Variants in NKAIN3 observed in about 807,000 individuals in gnomAD.
NKAIN3 encodes the protein sodium/potassium-transporting ATPase subunit beta-1-interacting protein 3.
Under a neutral mutation model 30.2 loss-of-function variants are expected in NKAIN3, and 25 were observed. The observed-to-expected ratio is 0.83, with a 90% CI of 0.60 to 1.16. NKAIN3 has a LOEUF of 1.16. NKAIN3 is among the 50% of genes most tolerant of loss of function. NKAIN3 has a pLI of 0.00. For missense variants in NKAIN3, 225 were observed against 254.1 expected, an observed-to-expected ratio of 0.89 and a Z score of 0.78; for synonymous variants, 91 against 89.6, an observed-to-expected ratio of 1.02 and a Z score of -0.09.
At chr8:62,864,129 G>A (rs1563600103) in intron 4 of NKAIN3, 1 of 619,468 alleles carries the variant, frequency 1.6e-6, no homozygotes, top group Non-Finnish European at 2.9e-6. Context: ...AGGTGATGGC[G>A]ACGCGAGCGC....
chr8:62,806,285 C>A (rs1384347620), intron 4 of NKAIN3, among the ~76,000 whole-genome samples: 2 of 152,106 alleles, frequency 1.3e-5, no homozygotes, highest in African/African-American at 4.8e-5. Flanking sequence ...ACCATTTGAC[C>A]CAGCCATCCC....
intron 1 of NKAIN3, among the ~76,000 whole-genome samples, chr8:62,284,608 C>T (rs768981229): frequency 6.6e-6 from 1 of 151,860 alleles, no homozygotes; most frequent in African/African-American, 2.4e-5. Context: ...TCAGCCTGGG[C>T]AACAACAGCA....
chr8:62,805,001 C>T (rs888221324), intron 4 of NKAIN3, among the ~76,000 whole-genome samples: 1 of 152,158 alleles, frequency 6.6e-6, no homozygotes, highest in South Asian at 2.1e-4. Flanking sequence ...TTCTTATACA[C>T]CAATAACAGA....
At chr8:62,678,170 G>A (rs1813538661) in intron 3 of NKAIN3, among the ~76,000 whole-genome samples, 1 of 152,186 alleles carries the variant, frequency 6.6e-6, no homozygotes, top group South Asian at 2.1e-4. Flanking sequence ...TAGGCAGATA[G>A]TGGAGTCATT....
At chr8:62,264,693 G>C (rs373229881) in intron 1 of NKAIN3, among the ~76,000 whole-genome samples, 1 of 152,194 alleles carries the variant, frequency 6.6e-6, no homozygotes, top group African/African-American at 2.4e-5. Flanking sequence ...TACTGAGAAA[G>C]ATACAAGCAC....
Position 62,524,039 on chromosome 8 carries a change from T to C in NKAIN3, c.55-55500T>C, listed in dbSNP as rs540376122. 1.8e-4 allele frequency among the ~76,000 whole-genome samples: 27 copies of C among 152,216 alleles called. No individual in the cohort carries two copies. In the Middle Eastern group the frequency reaches 0.014, roughly 77 times the overall value. ...CCTCAAGGATGATGATGATCTAGTC[T>C]TATATTAACAATAATTACTTTTATA... On this transcript the variant is annotated intron_variant, in intron 1 of 6. Coordinates refer to ENST00000623646, the MANE Select transcript of NKAIN3 (RefSeq NM_001304533.3).
At chr8:62,993,575 C>T (rs752616948) in intron 5 of NKAIN3, among the ~76,000 whole-genome samples, 2 of 152,158 alleles carry the variant, frequency 1.3e-5, no homozygotes, top group Non-Finnish European at 2.9e-5. Context: ...AAAAATCTCT[C>T]ACATGTCCTG....
At chr8:62,449,271 G>T (rs1383639111) in intron 1 of NKAIN3, among the ~76,000 whole-genome samples, 2 of 152,012 alleles carry the variant, frequency 1.3e-5, no homozygotes, top group Non-Finnish European at 2.9e-5. Flanking sequence ...TGAATGAAAA[G>T]AAGCCGGTTT....
At chr8:62,503,749 A>T (rs1261428189) in intron 1 of NKAIN3, among the ~76,000 whole-genome samples, 1 of 152,116 alleles carries the variant, frequency 6.6e-6, no homozygotes. Flanking sequence ...AAGAAGAAAA[A>T]TATGGCTTTT....
At chr8:62,961,850 A>G (rs1408959357) in intron 6 of NKAIN3, among the ~76,000 whole-genome samples, 1 of 152,204 alleles carries the variant, frequency 6.6e-6, no homozygotes, top group Non-Finnish European at 1.5e-5. Flanking sequence ...GATATGGTTA[A>G]CATTACTAGA....
At chr8:62,584,836 G>C (rs374132325) in intron 2 of NKAIN3, among the ~76,000 whole-genome samples, 19 of 152,244 alleles carry the variant, frequency 1.2e-4, no homozygotes, top group African/African-American at 4.6e-4. Context: ...CACCCTACCC[G>C]GCTGTCATCA....
rs572306106 is a variant in NKAIN3, at chr8:62,515,303, T to C, written c.55-64236T>C. On this transcript the variant is annotated intron_variant, in intron 1 of 6. Coordinates refer to ENST00000623646, the MANE Select transcript of NKAIN3 (RefSeq NM_001304533.3). The stretch of plus-strand genomic sequence containing the variant: ...AAATAAAAAGTATATATATTTATTG[T>C]GTGCAACATGATGTGATATATATGT... Among the ~76,000 whole-genome samples the C allele has an allele frequency of 4.6e-5, 7 of 152,300 alleles. No homozygotes were observed. The South Asian group carries it at 1.5e-3, about 32-fold the overall frequency.
intron 3 of NKAIN3, among the ~76,000 whole-genome samples, chr8:62,681,099 A>G (rs1813630875): frequency 6.6e-6 from 1 of 152,210 alleles, no homozygotes; most frequent in Admixed American, 6.5e-5. Context: ...ACCACACCTG[A>G]ATCGTCCCAC....
intron 4 of NKAIN3, among the ~76,000 whole-genome samples, chr8:62,842,104 G>A (rs1461715741): frequency 6.6e-6 from 1 of 152,046 alleles, no homozygotes; most frequent in African/African-American, 2.4e-5. Flanking sequence ...GAGTTCTTTT[G>A]AGAAGTGTTT....
intron 1 of NKAIN3, among the ~76,000 whole-genome samples, chr8:62,354,854 C>T (rs987867155): frequency 2.0e-5 from 3 of 152,190 alleles, no homozygotes; most frequent in Non-Finnish European, 2.9e-5. Flanking sequence ...GATACATGTA[C>T]AGGCAGAGCT....
chr8:62,851,988 A>T (rs1354118400), intron 4 of NKAIN3, among the ~76,000 whole-genome samples: 1 of 151,898 alleles, frequency 6.6e-6, no homozygotes, highest in Admixed American at 6.6e-5. Flanking sequence ...GTTAGGGAGG[A>T]TTCCCTCTTT....
intron 4 of NKAIN3, among the ~76,000 whole-genome samples, chr8:62,758,786 C>T (rs976322206): frequency 6.6e-6 from 1 of 152,192 alleles, no homozygotes; most frequent in African/African-American, 2.4e-5. Flanking sequence ...GAAATCCCCT[C>T]TCTTGCTCTT....
intron 1 of NKAIN3, among the ~76,000 whole-genome samples, chr8:62,550,863 A>G (rs1388569612): frequency 6.6e-6 from 1 of 152,168 alleles, no homozygotes; most frequent in Non-Finnish European, 1.5e-5. Context: ...TTCCTAGTAT[A>G]TTTCTAAATC....
At chr8:62,472,200 C>T (rs1193585847) in intron 1 of NKAIN3, among the ~76,000 whole-genome samples, 2 of 152,094 alleles carry the variant, frequency 1.3e-5, no homozygotes, top group Admixed American at 6.6e-5. Flanking sequence ...TGATTCAACC[C>T]TTGAGTGGGA....
Sources: allele counts gnomAD v4.1 joint callset (sites outside exome capture counted in the v4.1 genomes callset), GRCh38; gene constraint gnomAD v4.1.1; transcripts MANE v1.5; gene names NCBI Gene and HGNC (gene_info 2026-07-23, HGNC 2026-07-21).